Variants in SLMAP observed in about 807,000 individuals in gnomAD.
SLMAP encodes sarcolemma associated protein, also known as sarcolemmal membrane-associated protein.
Under a neutral mutation model 128.8 loss-of-function variants are expected in SLMAP, and 44 were observed. The observed-to-expected ratio is 0.34, with a 90% CI of 0.27 to 0.44. The LOEUF (loss-of-function observed/expected upper bound fraction) is 0.44. Among genes scored for constraint, SLMAP ranks in the 20% least tolerant of loss-of-function variants. SLMAP has a pLI of 1.00. For missense variants in SLMAP, 787 were observed against 985.3 expected (o/e 0.80, Z 2.69); for synonymous variants, 327 against 348.8 (o/e 0.94, Z 0.70).
intron 17 of SLMAP, among the ~76,000 whole-genome samples, chr3:57,904,551 T>C (rs1559505739): frequency 1.3e-5 from 2 of 152,362 alleles, no homozygotes; most frequent in East Asian, 1.9e-4. Flanking sequence ...GAAATTAACA[T>C]GGGTACATTA....
intron 14 of SLMAP, among the ~76,000 whole-genome samples, chr3:57,873,770 A>G (rs1481788714): frequency 2.0e-5 from 3 of 151,970 alleles, no homozygotes; most frequent in Non-Finnish European, 2.9e-5. Flanking sequence ...AGGCCAGGAG[A>G]TCAAGACCAG....
intron 2 of SLMAP, among the ~76,000 whole-genome samples, chr3:57,827,362 G>A (rs1264216494): frequency 2.0e-5 from 3 of 152,198 alleles, no homozygotes; most frequent in African/African-American, 7.2e-5. Flanking sequence ...ATCTATAGCA[G>A]GAACTTTCTG....
rs150503597 is a variant in SLMAP at position 57,924,483 on chromosome 3, C to A, written c.2446-1362C>A. ...TCCCGGGTTCAAGCAGTTCTCCTGCCTTAGCCTCCTGAGTAGCTGGGATTA... is the reference window on the plus strand; with the variant it reads ...TCCCGGGTTCAAGCAGTTCTCCTGCATTAGCCTCCTGAGTAGCTGGGATTA... On this transcript the variant is annotated intron_variant, in intron 23 of 24. Coordinates refer to ENST00000671191, the MANE Select transcript of SLMAP (RefSeq NM_001377540.1). 5.4e-3 allele frequency among the ~76,000 whole-genome samples: 816 copies of A among 152,080 alleles called. 5 individuals carry two copies. Among genetic ancestry groups the A allele is most frequent in the Middle Eastern group, 0.014 (4 of 294 alleles).
rs930126180 is a variant in SLMAP, at chr3:57,783,433, A to G, written c.198+25584A>G. The stretch of plus-strand genomic sequence containing the variant: ...GTGTCCTTGCCCTAGGTCTTTATGG[A>G]AGGCAGAATTTAAGAGTGATGAGCT... On this transcript the variant is annotated intron_variant, in intron 2 of 24. Coordinates refer to ENST00000671191, the MANE Select transcript of SLMAP (RefSeq NM_001377540.1). Among the ~76,000 whole-genome samples, 14 of 152,260 alleles carry G rather than the reference A, an allele frequency of 9.2e-5. No individual in the cohort carries two copies. In the East Asian group the frequency reaches 2.7e-3, roughly 29 times the overall value.
At chr3:57,830,877 G>A (rs2093295018) in intron 2 of SLMAP, among the ~76,000 whole-genome samples, 1 of 152,050 alleles carries the variant, frequency 6.6e-6, no homozygotes, top group South Asian at 2.1e-4. Context: ...TGTTTTAAAC[G>A]TTCATTCATG....
chr3:57,850,604 T>A (rs2153579881), intron 6 of SLMAP, among the ~76,000 whole-genome samples: 1 of 152,096 alleles, frequency 6.6e-6, no homozygotes, highest in South Asian at 2.1e-4. Context: ...TCTTTATCCA[T>A]AGATGACTTT....
chr3:57,913,112 G>T lies in SLMAP; in HGVS notation c.2021-46G>T, dbSNP rs371079840. ...TTCCTTTATCCTTTGAAGTATTATGGAAGTTATATTTCTGTATTAACAAAT... is the reference window on the plus strand; with the variant it reads ...TTCCTTTATCCTTTGAAGTATTATGTAAGTTATATTTCTGTATTAACAAAT... On this transcript the variant is annotated intron_variant, in intron 20 of 24. Coordinates refer to ENST00000671191, the MANE Select transcript of SLMAP (RefSeq NM_001377540.1). 140 of 905,878 alleles carry T rather than the reference G, an allele frequency of 1.5e-4. No homozygotes were observed. In the African/African-American group the frequency reaches 2.0e-3, roughly 13 times the overall value. The allele number at this position is 905,878 out of a possible 1,614,324, so 56.1% of individuals were successfully genotyped here. A position where few individuals can be genotyped will look rare whatever the true frequency, so the allele number is the denominator to read the frequency against.
chr3:57,880,653 G>T (rs1443404702), intron 14 of SLMAP, among the ~76,000 whole-genome samples: 1 of 152,140 alleles, frequency 6.6e-6, no homozygotes, highest in African/African-American at 2.4e-5. Context: ...CAAGGTGGGA[G>T]GATCGCTTGA....
intron 2 of SLMAP, among the ~76,000 whole-genome samples, chr3:57,775,534 A>G (rs2081718728): frequency 6.7e-6 from 1 of 148,754 alleles, no homozygotes; most frequent in African/African-American, 2.5e-5. Flanking sequence ...AAAAAAAAAA[A>G]AAAAGAGCCG....
intron 13 of SLMAP, 77 bp downstream of exon 13, chr3:57,865,369 G>A: frequency 3.6e-6 from 2 of 556,336 alleles, no homozygotes; most frequent in Non-Finnish European, 6.0e-6. Flanking sequence ...GGAGTTCAGG[G>A]TTTTAAGTGT....
chr3:57,892,793 C>A (rs891997684), intron 15 of SLMAP, among the ~76,000 whole-genome samples: 1 of 148,548 alleles, frequency 6.7e-6, no homozygotes, highest in Non-Finnish European at 1.5e-5. Flanking sequence ...AACACACACA[C>A]ACACACACAC....
intron 2 of SLMAP, among the ~76,000 whole-genome samples, chr3:57,760,291 T>C (rs1285149339): frequency 1.3e-5 from 2 of 152,218 alleles, no homozygotes; most frequent in Admixed American, 6.5e-5. Context: ...ATATGGCTTA[T>C]TTCTACCATT....
chr3:57,887,286 A>G (rs928014028), intron 14 of SLMAP, among the ~76,000 whole-genome samples: 1 of 150,958 alleles, frequency 6.6e-6, no homozygotes, highest in African/African-American at 2.4e-5. Context: ...CTGAAGTGCA[A>G]TGGTGTCATC....
chr3:57,814,880 C>T (rs542705016), intron 2 of SLMAP, among the ~76,000 whole-genome samples: 9 of 152,134 alleles, frequency 5.9e-5, no homozygotes, highest in East Asian at 1.9e-4. Context: ...CCCAGCTACT[C>T]GGGAGGCTGT....
chr3:57,890,331 A>G (rs957076160), intron 15 of SLMAP: 2 of 412,318 alleles, frequency 4.9e-6, no homozygotes, highest in African/African-American at 4.0e-5. Context: ...GGTTTTTTGA[A>G]TGTTAGTACT....
chr3:57,890,348 A>T lies in SLMAP; in HGVS notation c.1360+248A>T, dbSNP rs2096028997. On this transcript the variant is annotated intron_variant, in intron 15 of 24. Coordinates refer to ENST00000671191, the MANE Select transcript of SLMAP (RefSeq NM_001377540.1). Reference sequence around the variant, plus strand: ...TTTTTTGAATGTTAGTACTTGATATAGGTTTCTTTAGGTATTAAAGATTTG... The same window carrying T: ...TTTTTTGAATGTTAGTACTTGATATTGGTTTCTTTAGGTATTAAAGATTTG... 1.1e-5 allele frequency: 4 copies of T among 354,880 alleles called. No individual in the cohort carries two copies. In the East Asian group the frequency reaches 1.7e-4, roughly 15 times the overall value. 22.0% of individuals were successfully genotyped at this position (354,880 alleles called of 1,614,324 possible).
At chr3:57,921,561 G>A (rs1392338726) in intron 22 of SLMAP, among the ~76,000 whole-genome samples, 4 of 152,014 alleles carry the variant, frequency 2.6e-5, no homozygotes, top group Non-Finnish European at 5.9e-5. Flanking sequence ...GGGAGGCGGA[G>A]GTTTCAGTGA....
chr3:57,792,201 G>A (rs999760675), intron 2 of SLMAP, among the ~76,000 whole-genome samples: 1 of 108,766 alleles, frequency 9.2e-6, no homozygotes, highest in Admixed American at 1.1e-4. Flanking sequence ...TATTTTGATG[G>A]TATTGATTTT....
At chr3:57,817,601 C>G (rs1233261803) in intron 2 of SLMAP, among the ~76,000 whole-genome samples, 1 of 152,190 alleles carries the variant, frequency 6.6e-6, no homozygotes, top group Non-Finnish European at 1.5e-5. Flanking sequence ...GTTTGCTGTT[C>G]TTTCTGTATA....
Sources: gnomAD v4.1 joint callset for allele counts (sites outside exome capture counted in the v4.1 genomes callset) on GRCh38, gnomAD v4.1.1 for gene constraint, MANE v1.5 for transcripts, NCBI Gene and HGNC (gene_info 2026-07-23, HGNC 2026-07-21) for gene names.